Variants in ASNS observed in about 807,000 individuals in gnomAD.
ASNS encodes asparagine synthetase (glutamine-hydrolyzing).
Under a neutral mutation model 62.6 loss-of-function variants are expected in ASNS, and 37 were observed. The observed-to-expected ratio is 0.59, with a 90% confidence interval of 0.45 to 0.78. ASNS has a LOEUF of 0.78. ASNS is among the 30% of genes least tolerant of loss of function. The pLI, the probability that ASNS is intolerant of heterozygous loss-of-function variation, is 0.00. For missense variants in ASNS, 520 were observed against 682.4 expected, an observed-to-expected ratio of 0.76 and a Z score of 2.65; for synonymous variants, 207 against 237.9, an observed-to-expected ratio of 0.87 and a Z score of 1.19.
chr7:97,913,528 T>C, the ASNS span, among the ~76,000 whole-genome samples: 1 of 152,170 alleles, frequency 6.6e-6, no homozygotes, highest in East Asian at 1.9e-4. Flanking sequence ...AAACCTAATC[T>C]CTATTGAGTG....
Position 97,868,965 on chromosome 7 carries a change from C to T in ASNS, c.192G>A (p.Val64=). 6.2e-7 allele frequency: 1 copy of T among 1,614,210 alleles called. No homozygotes were observed. Among genetic ancestry groups the T allele is most frequent in the South Asian group, 1.1e-5 (1 of 91,086 alleles). ...DPLFGMQPIR[V]KKYPYLWLCY... Reference sequence around the variant, plus strand: ...AGAGCCACAAATACGGATATTTCTTCACTCGAATTGGCTGCATTCCAAACA... The same window carrying T: ...AGAGCCACAAATACGGATATTTCTTTACTCGAATTGGCTGCATTCCAAACA... Residue 64 remains valine (V), a synonymous_variant, in exon 3 of 13, where the codon GTG becomes GTA. Transcript: ENST00000394308.
At chr7:97,900,748 G>C in the ASNS span, among the ~76,000 whole-genome samples, 1 of 152,248 alleles carries the variant, frequency 6.6e-6, no homozygotes, top group East Asian at 1.9e-4. Flanking sequence ...CGTGGAGGAA[G>C]AAGTATGGAT....
the ASNS span, among the ~76,000 whole-genome samples, chr7:97,882,235 T>C: frequency 1.3e-5 from 2 of 152,006 alleles, no homozygotes; most frequent in Non-Finnish European, 2.9e-5. Flanking sequence ...CGGAGTTAAT[T>C]TGAGAGAAAT....
chr7:97,887,536 G>C, the ASNS span, among the ~76,000 whole-genome samples: 4 of 152,152 alleles, frequency 2.6e-5, no homozygotes, highest in Non-Finnish European at 4.4e-5. Flanking sequence ...TAATCTGTAT[G>C]ACCAAAAACT....
At chr7:97,923,050 A>G in the ASNS span, among the ~76,000 whole-genome samples, 1 of 152,172 alleles carries the variant, frequency 6.6e-6, no homozygotes, top group African/African-American at 2.4e-5. Flanking sequence ...TCGACCTGCC[A>G]AAGTGCTGGG....
chr7:97,902,529 T>C, the ASNS span, among the ~76,000 whole-genome samples: 2 of 150,434 alleles, frequency 1.3e-5, no homozygotes, highest in East Asian at 3.9e-4. Flanking sequence ...CTGGGCAACA[T>C]AGTGAGACAC....
At chr7:97,901,981 A>G in the ASNS span, among the ~76,000 whole-genome samples, 4 of 137,162 alleles carry the variant, frequency 2.9e-5, no homozygotes, top group Admixed American at 1.4e-4. Flanking sequence ...GTCTCAAAAG[A>G]AAAAAAAAAC....
rs1312198243 is a variant in ASNS at position 97,856,721 on chromosome 7, A to C, written c.999T>G (p.Thr333=). ...ALDEVIFSLE[T]YDITTVRASV... is the part of the protein sequence containing the mutation. Reference sequence around the variant, plus strand: ...AAGCACGAACTGTTGTAATGTCATAAGTTTCCAAGGAAAATATGACTTCAT... The same window carrying C: ...AAGCACGAACTGTTGTAATGTCATACGTTTCCAAGGAAAATATGACTTCAT... Residue 333 remains threonine, a synonymous_variant, in exon 8 of 13, where the codon ACT becomes ACG. Transcript: ENST00000394308. 23 of 1,613,352 alleles carry C rather than the reference A, an allele frequency of 1.4e-5. No homozygotes were observed. Among genetic ancestry groups the C allele is most frequent in the Non-Finnish European group, 1.9e-5 (23 of 1,179,674 alleles).
chr7:97,886,485 G>A, the ASNS span, among the ~76,000 whole-genome samples: 595 of 152,214 alleles, frequency 3.9e-3, 3 homozygotes, highest in African/African-American at 0.014. Context: ...TTCACCAGGA[G>A]ATCATGCTGC....
the ASNS span, among the ~76,000 whole-genome samples, chr7:97,921,510 C>T: frequency 1.3e-5 from 2 of 152,166 alleles, no homozygotes; most frequent in Admixed American, 6.5e-5. Context: ...TCCTCTGCTA[C>T]AGCATGATCT....
At chr7:97,899,914 G>T in the ASNS span, among the ~76,000 whole-genome samples, 1 of 152,104 alleles carries the variant, frequency 6.6e-6, no homozygotes, top group Non-Finnish European at 1.5e-5. Flanking sequence ...TTTCATTTTT[G>T]AATATGAAAA....
chr7:97,855,223 A>G (rs1244512772), intron 9 of ASNS, 130 bp downstream of exon 9: 1 of 623,894 alleles, frequency 1.6e-6, no homozygotes, highest in East Asian at 2.7e-5. Context: ...AAACACTATC[A>G]GATTCCCTTT....
the ASNS span, among the ~76,000 whole-genome samples, chr7:97,917,392 C>T: frequency 6.6e-6 from 1 of 152,212 alleles, no homozygotes; most frequent in Non-Finnish European, 1.5e-5. Context: ...GAGTCAAGGG[C>T]TGTGATGAGG....
chr7:97,857,313 C>T (rs552242097), intron 7 of ASNS, among the ~76,000 whole-genome samples: 4 of 152,224 alleles, frequency 2.6e-5, no homozygotes, highest in Non-Finnish European at 4.4e-5. Flanking sequence ...ATCCATGCTA[C>T]GAAAGTCCTC....
intron 1 of ASNS, chr7:97,870,238 T>G (rs1792188737): frequency 2.4e-6 from 2 of 846,380 alleles, no homozygotes; most frequent in South Asian, 4.8e-5. Context: ...CTACGAAGAT[T>G]GTACACAGAG....
At chr7:97,863,323 C>T (rs550477562) in intron 4 of ASNS, 3 of 152,304 alleles carry the variant, frequency 2.0e-5, no homozygotes, top group African/African-American at 4.8e-5. Flanking sequence ...ATACATGCTA[C>T]GGCATAGACA....
At chr7:97,907,990 T>C in the ASNS span, among the ~76,000 whole-genome samples, 1 of 151,970 alleles carries the variant, frequency 6.6e-6, no homozygotes, top group African/African-American at 2.4e-5. Context: ...AATTAAAAAA[T>C]AAGCAACTTG....
the ASNS span, among the ~76,000 whole-genome samples, chr7:97,896,986 C>T: frequency 6.6e-6 from 1 of 150,394 alleles, no homozygotes; most frequent in Non-Finnish European, 1.5e-5. Context: ...AAGAATAAAA[C>T]TAGACCCTTA....
intron 1 of ASNS, chr7:97,870,300 T>C (rs1792192551): frequency 1.9e-6 from 1 of 539,646 alleles, no homozygotes; most frequent in Non-Finnish European, 3.3e-6. Flanking sequence ...AAAAACAAGA[T>C]GTTTTAATTA....
Sources: gnomAD v4.1 joint callset for allele counts (sites outside exome capture counted in the v4.1 genomes callset) on GRCh38, gnomAD v4.1.1 for gene constraint, MANE v1.5 for transcripts, NCBI Gene and HGNC (gene_info 2026-07-23, HGNC 2026-07-21) for gene names.